AIF1: variants seen among roughly 807,000 people sequenced by gnomAD.
AIF1 encodes allograft inflammatory factor 1.
Under a neutral mutation model 20.6 loss-of-function variants are expected in AIF1, and 21 were observed. The observed-to-expected ratio is 1.02, with a 90% CI of 0.72 to 1.47. The LOEUF (loss-of-function observed/expected upper bound fraction) is 1.47. Among genes scored for constraint, AIF1 ranks in the 40% most tolerant of loss-of-function variants. The pLI is 0.00. For synonymous variants in AIF1, 52 were observed against 65.8 expected (o/e 0.79, Z 1.01); for missense variants, 161 against 170.5 (o/e 0.94, Z 0.31).
chr6:31,615,716 C>T lies in AIF1; in HGVS notation c.134C>T (p.Ser45Phe), dbSNP rs1324486142. The change falls in exon 3 of 6, where the codon TCC becomes TTC. Residue 45 changes from serine to phenylalanine, a missense_variant. Physicochemically the swap from Ser to Phe is radical, Grantham distance 155. Transcript: ENST00000376059. ...TATAGCAGTGATGAGGATCTGCCCT[C>T]CAAACTGGAAGGCTTCAAAGGTGAG... ...PKYSSDEDLP[S>F]KLEGFKEKYM... The T allele has an allele frequency of 6.2e-7, 1 of 1,610,866 alleles. No individual in the cohort carries two copies. Among genetic ancestry groups the T allele is most frequent in the African/African-American group, 1.3e-5 (1 of 74,764 alleles).
In AIF1 at chr6:31,615,523, G is replaced by A. The variant is rs761540679; in HGVS notation, c.28G>A (p.Gly10Arg). 4.3e-6 allele frequency: 7 copies of A among 1,613,838 alleles called. No individual in the cohort carries two copies. Among genetic ancestry groups the A allele is most frequent in the South Asian group, 1.1e-5 (1 of 91,050 alleles). Residue 10 changes from glycine (G) to arginine (R), a missense_variant and splice_region_variant, in exon 2 of 6, where the codon GGA becomes AGA. By Grantham distance (125) the Gly-to-Arg change is moderately radical (BLOSUM62 -2). Coordinates refer to ENST00000376059, the MANE Select transcript of AIF1 (RefSeq NM_001623.5). ...GATTAATTTTTTTCACCCCACAGGA[G>A]GAAAAGCTTTCGGACTGCTGAAGGC... The part of the protein sequence containing the change: MSQTRDLQG[G>R]KAFGLLKAQQ...
chr6:31,615,545 A>G lies in AIF1; in HGVS notation c.50A>G (p.Lys17Arg). ...LQGGKAFGLL[K>R]AQQEERLDEI... The stretch of plus-strand genomic sequence containing the variant: ...GGAGGAAAAGCTTTCGGACTGCTGA[A>G]GGCCCAGCAGGAAGAGAGGCTGGAT... The change falls in exon 2 of 6, where the codon AAG becomes AGG. Residue 17 changes from lysine (K) to arginine (R), a missense_variant. Coordinates refer to ENST00000376059, the MANE Select transcript of AIF1 (RefSeq NM_001623.5). 1 of 1,613,704 alleles carries G rather than the reference A, an allele frequency of 6.2e-7. No homozygotes were observed. Among genetic ancestry groups the G allele is most frequent in the Non-Finnish European group, 8.5e-7 (1 of 1,179,942 alleles).
chr6:31,616,985 C>A lies in AIF1; in HGVS notation c.*85C>A. The A allele has an allele frequency of 6.4e-7, 1 of 1,559,472 alleles. No individual in the cohort carries two copies. Among genetic ancestry groups the A allele is most frequent in the South Asian group, 1.2e-5 (1 of 86,454 alleles). ...AGAAGACAAAATTGTAAGCCAGAGTCAACAAATTAAATAAATTACCCCCTC... is the reference window on the plus strand; with the variant it reads ...AGAAGACAAAATTGTAAGCCAGAGTAAACAAATTAAATAAATTACCCCCTC... On this transcript the variant is annotated 3_prime_UTR_variant, in exon 6 of 6. Transcript: ENST00000376059. This position sits in a 1 kb window ranked among gnomAD's most constrained non-coding sequence, Gnocchi z 4.0.
chr6:31,616,959 C>T lies in AIF1; in HGVS notation c.*59C>T. 1 of 1,603,800 alleles carries T rather than the reference C, an allele frequency of 6.2e-7. No individual in the cohort carries two copies. The highest frequency in any genetic ancestry group is 1.3e-5 in the African/African-American group (1 of 74,492). On this transcript the variant is annotated 3_prime_UTR_variant, in exon 6 of 6. Transcript: ENST00000376059. The surrounding 1 kb of genome is among the most constrained non-coding windows in gnomAD (Gnocchi z 4.0). Reference sequence around the variant, plus strand: ...GCTTCTAATGACCCAGATATGGAAACAGAAGACAAAATTGTAAGCCAGAGT... The same window carrying T: ...GCTTCTAATGACCCAGATATGGAAATAGAAGACAAAATTGTAAGCCAGAGT...
rs766541025 is a variant in AIF1, at chr6:31,616,769, TGA to T, written c.360-43_360-42del. The T allele has an allele frequency of 2.5e-6, 4 of 1,613,708 alleles. No individual in the cohort carries two copies. In the East Asian group the frequency reaches 8.9e-5, roughly 36 times the overall value. ...CCTAGCACCCTATGATTTATTCCCT[TGA>T]GAGGAGTGTTCCCTGATCCCTGTGC... On this transcript the variant is annotated intron_variant, in intron 5 of 5. Transcript: ENST00000376059. This position sits in a 1 kb window ranked among gnomAD's most constrained non-coding sequence, Gnocchi z 4.0.
At position 31,615,374 on chromosome 6, in the gene AIF1, C is replaced by G. The variant is rs769188410; in HGVS notation, c.25+20C>G. 1.9e-6 allele frequency: 3 copies of G among 1,611,678 alleles called. No homozygotes were observed. The highest frequency in any genetic ancestry group is 2.5e-6 in the Non-Finnish European group (3 of 1,178,086). ...TACAGGGTAGGGAGGGTGGGATAGG[C>G]AGCGGCATTAGATCGGAGGAATGAG... On this transcript the variant is annotated intron_variant, in intron 1 of 5. Coordinates refer to ENST00000376059, the MANE Select transcript of AIF1 (RefSeq NM_001623.5).
intron 3 of AIF1, 144 bp downstream of exon 3, chr6:31,615,880 A>T (rs1388754776): frequency 8.7e-6 from 13 of 1,494,320 alleles, no homozygotes; most frequent in Non-Finnish European, 1.2e-5. Context: ...CCCTCCTGCC[A>T]CACTGCGGTC....
rs1398472160 is a variant in AIF1 at position 31,615,546 on chromosome 6, G to C, written c.51G>C (p.Lys17Asn). Residue 17 changes from lysine to asparagine, a missense_variant, in exon 2 of 6, where the codon AAG becomes AAC. Lys to Asn is a moderately conservative substitution (Grantham distance 94, BLOSUM62 0). Coordinates refer to ENST00000376059, the MANE Select transcript of AIF1 (RefSeq NM_001623.5). ...LQGGKAFGLL[K>N]AQQEERLDEI... ...GAGGAAAAGCTTTCGGACTGCTGAA[G>C]GCCCAGCAGGAAGAGAGGCTGGATG... 1.9e-6 allele frequency: 3 copies of C among 1,613,872 alleles called. 1 individual carries two copies. Among genetic ancestry groups the C allele is most frequent in the Admixed American group, 3.3e-5 (2 of 60,020 alleles).
chr6:31,616,866 C>T lies in AIF1; in HGVS notation c.410C>T (p.Pro137Leu). The change falls in exon 6 of 6, where the codon CCC becomes CTC. Residue 137 changes from proline to leucine, a missense_variant. Coordinates refer to ENST00000376059, the MANE Select transcript of AIF1 (RefSeq NM_001623.5). The surrounding 1 kb of genome is among the most constrained non-coding windows in gnomAD (Gnocchi z 4.0). ...AGAGAAAAGGAAAAGCCAACAGGCCCCCCAGCCAAGAAAGCTATCTCTGAG... is the reference window on the plus strand; with the variant it reads ...AGAGAAAAGGAAAAGCCAACAGGCCTCCCAGCCAAGAAAGCTATCTCTGAG... ...KAREKEKPTGPPAKKAISELP is the reference protein window; with the variant it reads ...KAREKEKPTGLPAKKAISELP 6.2e-7 allele frequency: 1 copy of T among 1,614,168 alleles called. No individual in the cohort carries two copies. Among genetic ancestry groups the T allele is most frequent in the Non-Finnish European group, 8.5e-7 (1 of 1,180,034 alleles).
chr6:31,615,275 G>A lies in AIF1; in HGVS notation c.-55G>A, dbSNP rs760777117. 6.2e-7 allele frequency: 1 copy of A among 1,601,908 alleles called. No individual in the cohort carries two copies. Among genetic ancestry groups the A allele is most frequent in the Non-Finnish European group, 8.5e-7 (1 of 1,173,316 alleles). The stretch of plus-strand genomic sequence containing the variant: ...TGGTGGGAGAGAAGGAGAGCCTGCA[G>A]ACAGAGGCCTCCAGCTTGGTCTGTC... On this transcript the variant is annotated 5_prime_UTR_variant, in exon 1 of 6. Transcript: ENST00000376059.
In AIF1 at chr6:31,615,534, C is replaced by T. The variant is rs755734452; in HGVS notation, c.39C>T (p.Phe13=). The change falls in exon 2 of 6, where the codon TTC becomes TTT. Residue 13 remains phenylalanine, a synonymous_variant. Coordinates refer to ENST00000376059, the MANE Select transcript of AIF1 (RefSeq NM_001623.5). The stretch of plus-strand genomic sequence containing the variant: ...TTCACCCCACAGGAGGAAAAGCTTT[C>T]GGACTGCTGAAGGCCCAGCAGGAAG... ...QTRDLQGGKA[F]GLLKAQQEER... The T allele has an allele frequency of 3.7e-6, 6 of 1,613,210 alleles. No individual in the cohort carries two copies. The East Asian group carries it at 8.9e-5, about 24-fold the overall frequency.
intron 3 of AIF1, 121 bp from the exon 4 acceptor site, chr6:31,615,983 C>T: frequency 6.6e-7 from 1 of 1,516,662 alleles, no homozygotes; most frequent in Non-Finnish European, 8.8e-7. Flanking sequence ...CTCTGCCTGC[C>T]CCTCCTCCTC....
At position 31,616,298 on chromosome 6, in the gene AIF1, G is replaced by C. The variant is rs900668147; in HGVS notation, c.197-46G>C. On this transcript the variant is annotated intron_variant, in intron 4 of 5. Transcript: ENST00000376059. This position sits in a 1 kb window ranked among gnomAD's most constrained non-coding sequence, Gnocchi z 4.0. The stretch of plus-strand genomic sequence containing the variant: ...GGGGATGCGGAAGTGGGAGAGGAGA[G>C]AGAGGGTCTCCCCACCTTCTCCCCA... The C allele has an allele frequency of 6.2e-7, 1 of 1,612,880 alleles. No individual in the cohort carries two copies. The highest frequency in any genetic ancestry group is 1.1e-5 in the South Asian group (1 of 91,060).
rs1171367258 is a variant in AIF1 at position 31,616,796 on chromosome 6, C to T, written c.360-20C>T. 1.2e-6 allele frequency: 2 copies of T among 1,613,996 alleles called. No individual in the cohort carries two copies. Among genetic ancestry groups the T allele is most frequent in the Non-Finnish European group, 1.7e-6 (2 of 1,179,948 alleles). On this transcript the variant is annotated intron_variant, in intron 5 of 5. Coordinates refer to ENST00000376059, the MANE Select transcript of AIF1 (RefSeq NM_001623.5). The surrounding 1 kb of genome is among the most constrained non-coding windows in gnomAD (Gnocchi z 4.0). Reference sequence around the variant, plus strand: ...AGAGGAGTGTTCCCTGATCCCTGTGCCTCTTCCCATCTCAACCAGGATCCT... The same window carrying T: ...AGAGGAGTGTTCCCTGATCCCTGTGTCTCTTCCCATCTCAACCAGGATCCT...
At position 31,616,071 on chromosome 6, in the gene AIF1, C is replaced by T. The variant is rs1774323289; in HGVS notation, c.155-33C>T. The T allele has an allele frequency of 4.5e-6, 7 of 1,547,708 alleles. No individual in the cohort carries two copies. Among genetic ancestry groups the T allele is most frequent in the African/African-American group, 1.4e-5 (1 of 73,080 alleles). Reference sequence around the variant, plus strand: ...CCCCTGCTGAAAACCCTCCAGTCAGCGCTTATCCCTTCTGCTCTCTCCCCT... The same window carrying T: ...CCCCTGCTGAAAACCCTCCAGTCAGTGCTTATCCCTTCTGCTCTCTCCCCT... On this transcript the variant is annotated intron_variant, in intron 3 of 5. Coordinates refer to ENST00000376059, the MANE Select transcript of AIF1 (RefSeq NM_001623.5). The surrounding 1 kb of genome is among the most constrained non-coding windows in gnomAD (Gnocchi z 4.0).
rs764724764 is a variant in AIF1, at chr6:31,615,281, G to A, written c.-49G>A. The A allele has an allele frequency of 1.1e-5, 18 of 1,613,742 alleles. No homozygotes were observed. Among genetic ancestry groups the A allele is most frequent in the Non-Finnish European group, 8.5e-7 (1 of 1,179,940 alleles). ...GAGAGAAGGAGAGCCTGCAGACAGA[G>A]GCCTCCAGCTTGGTCTGTCTCCCCA... On this transcript the variant is annotated 5_prime_UTR_variant, in exon 1 of 6. Transcript: ENST00000376059.
chr6:31,616,741 T>C lies in AIF1; in HGVS notation c.360-75T>C. 1.2e-6 allele frequency: 2 copies of C among 1,605,218 alleles called. No homozygotes were observed. The highest frequency in any genetic ancestry group is 1.7e-6 in the Non-Finnish European group (2 of 1,174,926). ...CTCACATCCCCATCCCCTTCTAGCC[T>C]TTCCTAGCACCCTATGATTTATTCC... On this transcript the variant is annotated intron_variant, in intron 5 of 5. Transcript: ENST00000376059. The surrounding 1 kb of genome is among the most constrained non-coding windows in gnomAD (Gnocchi z 4.0).
rs2150459242 is a variant in AIF1, at chr6:31,616,014, C to T, written c.155-90C>T. 1.3e-6 allele frequency: 2 copies of T among 1,524,098 alleles called. No homozygotes were observed. The highest frequency in any genetic ancestry group is 2.3e-5 in the East Asian group (1 of 44,190). The allele number at this position is 1,524,098 out of a possible 1,614,324, so 94.4% of individuals were successfully genotyped here. The stretch of plus-strand genomic sequence containing the variant: ...TCCTCCTTCCACGTTGTCTCCTCCA[C>T]CTAGCAGTTGGTTGGCAACCCCTTC... On this transcript the variant is annotated intron_variant, in intron 3 of 5. Transcript: ENST00000376059. This position sits in a 1 kb window ranked among gnomAD's most constrained non-coding sequence, Gnocchi z 4.0.
In AIF1 at chr6:31,615,725, A is replaced by C; in HGVS notation, c.143A>C (p.Glu48Ala). 6.2e-7 allele frequency: 1 copy of C among 1,608,880 alleles called. No individual in the cohort carries two copies. Among genetic ancestry groups the C allele is most frequent in the Non-Finnish European group, 8.5e-7 (1 of 1,177,594 alleles). The stretch of plus-strand genomic sequence containing the variant: ...GATGAGGATCTGCCCTCCAAACTGG[A>C]AGGCTTCAAAGGTGAGGGGGAAACT... ...SSDEDLPSKL[E>A]GFKEKYMEFD... Residue 48 changes from glutamate to alanine, a missense_variant, in exon 3 of 6, where the codon GAA becomes GCA. By Grantham distance (107) the Glu-to-Ala change is moderately radical. Coordinates refer to ENST00000376059, the MANE Select transcript of AIF1 (RefSeq NM_001623.5).
Sources: allele counts gnomAD v4.1 joint callset, GRCh38; gene constraint gnomAD v4.1.1; non-coding constraint Gnocchi (gnomAD v3.1); transcripts MANE v1.5; gene names NCBI Gene and HGNC (gene_info 2026-07-23, HGNC 2026-07-21).